The following CNRIP1 variants were observed in gnomAD, a reference collection of about 807,000 sequenced individuals.
CNRIP1 encodes the protein CB1 cannabinoid receptor-interacting protein 1.
CNRIP1 carries 10 observed loss-of-function variants against 15.2 expected under a neutral mutation model. The ratio of observed to expected loss-of-function variants is 0.66; its 90% CI spans 0.41 to 1.12. CNRIP1 has a LOEUF of 1.12. Ranked by LOEUF, CNRIP1 falls within the 50% of genes most tolerant of loss-of-function variation. CNRIP1 has a pLI of 0.00. For missense variants in CNRIP1, 211 were observed against 214.7 expected (o/e 0.98, Z 0.11); for synonymous variants, 91 against 83.2 (o/e 1.09, Z -0.51).
intron 2 of CNRIP1, among the ~76,000 whole-genome samples, chr2:68,298,229 C>T (rs1671459224): frequency 2.0e-5 from 3 of 152,076 alleles, no homozygotes; most frequent in African/African-American, 7.2e-5. Flanking sequence ...GCATTGCACA[C>T]TTTAAGTGCA....
chr2:68,311,925 T>C (rs1672092507), intron 2 of CNRIP1, among the ~76,000 whole-genome samples: 1 of 152,038 alleles, frequency 6.6e-6, no homozygotes, highest in Non-Finnish European at 1.5e-5. Context: ...AAATGACTTC[T>C]AAGATAAATT....
intron 2 of CNRIP1, among the ~76,000 whole-genome samples, chr2:68,300,332 C>A (rs77887837): frequency 0.09 from 13,722 of 152,144 alleles, 1,043 homozygotes; most frequent in African/African-American, 0.21. Context: ...GAAAGGAAAT[C>A]AAGAGGCCGG....
At chr2:68,292,426 TAAA>T (rs1171727325), downstream of CNRIP1, among the ~76,000 whole-genome samples, 1 of 152,144 alleles carries the variant, frequency 6.6e-6, no homozygotes, top group African/African-American at 2.4e-5. Flanking sequence ...AATCAACTTT[TAAA>T]AATACTCCCA....
At chr2:68,294,317 T>C (rs1433744003) in intron 2 of CNRIP1, among the ~76,000 whole-genome samples, 1 of 152,242 alleles carries the variant, frequency 6.6e-6, no homozygotes, top group Admixed American at 6.5e-5. Flanking sequence ...GCAAAGTTTA[T>C]CTTGTTTTTC....
chr2:68,315,411 T>TA (rs1653854271), intron 2 of CNRIP1, among the ~76,000 whole-genome samples: 1 of 152,150 alleles, frequency 6.6e-6, no homozygotes, highest in Non-Finnish European at 1.5e-5. Context: ...GGCAGTCTTA[T>TA]AAAATGCCTT....
At position 68,293,548 on chromosome 2, in the gene CNRIP1, G is replaced by A. The variant is rs939830913; in HGVS notation, c.*314C>T. 1 of 1,055,652 alleles carries A rather than the reference G, an allele frequency of 9.5e-7. No homozygotes were observed. The highest frequency in any genetic ancestry group is 1.1e-6 in the Non-Finnish European group (1 of 872,328). The allele number at this position is 1,055,652 out of a possible 1,614,324, so 65.4% of individuals were successfully genotyped here. ...CAAAGTTAGTCAGTGGAATGGTCAA[G>A]AGCAGGACAAGCCTGCCAGGGCCAC... On this transcript the variant is annotated 3_prime_UTR_variant, in exon 3 of 3. Coordinates refer to ENST00000263655, the MANE Select transcript of CNRIP1 (RefSeq NM_015463.3).
Position 68,293,930 on chromosome 2 carries a change from T to A in CNRIP1, c.427A>T (p.Ile143Phe), listed in dbSNP as rs1197605804. ...HCQWGSPFSV[I>F]EYECKPNETR... ...TCGTTGGGCTTGCATTCATACTCAA[T>A]GACAGAGAAGGGGCTTCCCCACTGG... The change falls in exon 3 of 3, where the codon ATT becomes TTT. Residue 143 changes from isoleucine (I) to phenylalanine (F), a missense_variant. Ile to Phe is a conservative substitution (Grantham distance 21, BLOSUM62 0). Transcript: ENST00000263655. The A allele has an allele frequency of 6.2e-7, 1 of 1,614,116 alleles. No homozygotes were observed. The highest frequency in any genetic ancestry group is 8.5e-7 in the Non-Finnish European group (1 of 1,180,008).
chr2:68,312,587 A>G (rs2103683169), intron 2 of CNRIP1, among the ~76,000 whole-genome samples: 1 of 152,320 alleles, frequency 6.6e-6, no homozygotes, highest in Non-Finnish European at 1.5e-5. Flanking sequence ...TCTATTTAGC[A>G]GCATACTGCG....
chr2:68,309,743 T>C (rs1159279835), intron 2 of CNRIP1, among the ~76,000 whole-genome samples: 1 of 152,068 alleles, frequency 6.6e-6, no homozygotes, highest in African/African-American at 2.4e-5. Context: ...GGAAATAACC[T>C]AGAAAAATCC....
At position 68,316,934 on chromosome 2, in the gene CNRIP1, C is replaced by T. The variant is rs1672292512; in HGVS notation, c.330+223G>A. ...TCTCTTCCAGAACCATCTGCTTCTG[C>T]TTATGGTGTCTTTTCAGCATCTACA... is the stretch of plus-strand genomic sequence containing the variant. On this transcript the variant is annotated intron_variant, in intron 2 of 2. Coordinates refer to ENST00000263655, the MANE Select transcript of CNRIP1 (RefSeq NM_015463.3). 15 of 638,970 alleles carry T rather than the reference C, an allele frequency of 2.3e-5. No homozygotes were observed. The East Asian group carries it at 3.8e-4, about 16-fold the overall frequency. 39.6% of individuals were successfully genotyped at this position (638,970 alleles called of 1,614,324 possible).
chr2:68,310,494 T>C (rs1371255259), intron 2 of CNRIP1, among the ~76,000 whole-genome samples: 1 of 152,108 alleles, frequency 6.6e-6, no homozygotes, highest in Non-Finnish European at 1.5e-5. Flanking sequence ...AACTGGAAGT[T>C]ATAAAAACTG....
At chr2:68,294,881 C>A (rs1301911200) in intron 2 of CNRIP1, among the ~76,000 whole-genome samples, 2 of 152,192 alleles carry the variant, frequency 1.3e-5, no homozygotes, top group African/African-American at 4.8e-5. Flanking sequence ...TAGCATTCTA[C>A]TTCCAGAAGG....
At chr2:68,319,194 C>T in intron 1 of CNRIP1, 28 bp downstream of exon 1, 3 of 1,520,764 alleles carry the variant, frequency 2.0e-6, no homozygotes, top group Non-Finnish European at 2.7e-6. Context: ...ATGGGGGACC[C>T]TGCTGCCACC....
intron 2 of CNRIP1, among the ~76,000 whole-genome samples, chr2:68,305,151 G>C (rs1433688128): frequency 6.6e-6 from 1 of 151,544 alleles, no homozygotes; most frequent in African/African-American, 2.4e-5. Flanking sequence ...GGCTGAGGCA[G>C]GAGAATTGCT....
intron 2 of CNRIP1, among the ~76,000 whole-genome samples, chr2:68,298,066 G>C (rs1188879178): frequency 6.6e-6 from 1 of 151,990 alleles, no homozygotes; most frequent in East Asian, 1.9e-4. Flanking sequence ...AAGCCTAAGG[G>C]ATTTTATAAA....
chr2:68,310,317 A>T (rs1485008758), intron 2 of CNRIP1, among the ~76,000 whole-genome samples: 1 of 152,188 alleles, frequency 6.6e-6, no homozygotes, highest in African/African-American at 2.4e-5. Context: ...AACAAAAGTG[A>T]AACTCCATCT....
chr2:68,317,400 G>C (rs1558670535), intron 1 of CNRIP1, 93 bp from the exon 2 acceptor site: 3 of 1,366,458 alleles, frequency 2.2e-6, no homozygotes, highest in East Asian at 2.3e-5. Flanking sequence ...AAACTTACAG[G>C]GTTTCACTAA....
chr2:68,318,731 A>G (rs1188866058), intron 1 of CNRIP1, among the ~76,000 whole-genome samples: 1 of 152,118 alleles, frequency 6.6e-6, no homozygotes. Flanking sequence ...TCCCTCAGGG[A>G]GCCCCAGTAA....
At chr2:68,292,046 T>A (rs1671186370), downstream of CNRIP1, among the ~76,000 whole-genome samples, 1 of 152,218 alleles carries the variant, frequency 6.6e-6, no homozygotes, top group Non-Finnish European at 1.5e-5. Context: ...TCCCACTTTT[T>A]ATTTTAAATC....
Sources: allele counts gnomAD v4.1 joint callset (sites outside exome capture counted in the v4.1 genomes callset), GRCh38; gene constraint gnomAD v4.1.1; transcripts MANE v1.5; gene names NCBI Gene and HGNC (gene_info 2026-07-23, HGNC 2026-07-21).